The following KIF13A variants were observed in gnomAD, a reference collection of about 807,000 sequenced individuals.
The protein encoded by KIF13A is kinesin family member 13A, also known as kinesin-like protein KIF13A.
Under a neutral mutation model 212.2 loss-of-function variants are expected in KIF13A, and 79 were observed. That is an observed-to-expected ratio of 0.37 (90% confidence interval 0.31 to 0.45). The LOEUF (loss-of-function observed/expected upper bound fraction) is 0.45. Among genes scored for constraint, KIF13A ranks in the 20% least tolerant of loss-of-function variants. The pLI, the probability that KIF13A is intolerant of heterozygous loss-of-function variation, is 1.00. For missense variants in KIF13A, 1,901 were observed against 2,209.0 expected (o/e 0.86, Z 2.79); for synonymous variants, 789 against 808.6 (o/e 0.98, Z 0.41).
intron 3 of KIF13A, among the ~76,000 whole-genome samples, chr6:17,877,237 T>C (rs1201121977): frequency 3.9e-5 from 6 of 152,074 alleles, no homozygotes; most frequent in African/African-American, 1.4e-4. Context: ...GATTTAGGTA[T>C]ATATGATGTA....
intron 4 of KIF13A, among the ~76,000 whole-genome samples, chr6:17,864,470 T>G (rs189119388): frequency 4.8e-4 from 73 of 152,260 alleles, no homozygotes; most frequent in African/African-American, 1.7e-3. Context: ...CACCCAACCC[T>G]GAGTCACATA....
chr6:17,773,862 T>C lies in KIF13A; in HGVS notation c.4219-279A>G, dbSNP rs1452415788. On this transcript the variant is annotated intron_variant, in intron 35 of 38. Transcript: ENST00000259711. This position sits in a 1 kb window ranked among gnomAD's most constrained non-coding sequence, Gnocchi z 4.2. ...GTGTGATCTTTTGGTCCCATTCATC[T>C]TCCTTCCTCCCCAGAGGTAGCTACT... Among the ~76,000 whole-genome samples, 3 of 152,216 alleles carry C rather than the reference T, an allele frequency of 2.0e-5. No homozygotes were observed. Among genetic ancestry groups the C allele is most frequent in the Non-Finnish European group, 2.9e-5 (2 of 68,034 alleles).
Position 17,947,245 on chromosome 6 carries a change from T to C in KIF13A, c.146+39809A>G, listed in dbSNP as rs1042870863. ...ATAAGTGATATAAGAGACAAAAAAG[T>C]ACAAGTTGGGTGGTGATACAAGGTA... On this transcript the variant is annotated intron_variant, in intron 2 of 38. Coordinates refer to ENST00000259711, the MANE Select transcript of KIF13A (RefSeq NM_022113.6). The surrounding 1 kb of genome is among the most constrained non-coding windows in gnomAD (Gnocchi z 4.6). Among the ~76,000 whole-genome samples, 24 of 152,078 alleles carry C rather than the reference T, an allele frequency of 1.6e-4. No homozygotes were observed. Among genetic ancestry groups the C allele is most frequent in the African/African-American group, 5.3e-4 (22 of 41,424 alleles).
Position 17,767,544 on chromosome 6 carries a change from C to G in KIF13A, c.4582-2598G>C, listed in dbSNP as rs189195049. On this transcript the variant is annotated intron_variant, in intron 38 of 38. Transcript: ENST00000259711. ...TGCTGGGATTACAGGTGTGAGCCAC[C>G]ATGCCCGGCACAAAATTAAATTTCA... 6.2e-3 allele frequency among the ~76,000 whole-genome samples: 942 copies of G among 152,332 alleles called. 14 individuals carry two copies. The highest frequency in any genetic ancestry group is 0.021 in the African/African-American group (860 of 41,564).
Position 17,971,261 on chromosome 6 carries a change from G to A in KIF13A, c.146+15793C>T, listed in dbSNP as rs1483027695. ...AGTTCAGAGTTCACATAGCTATGGT[G>A]GTATTTCCATCAATTTCCAGGAAAA... On this transcript the variant is annotated intron_variant, in intron 2 of 38. Coordinates refer to ENST00000259711, the MANE Select transcript of KIF13A (RefSeq NM_022113.6). The surrounding 1 kb of genome is among the most constrained non-coding windows in gnomAD (Gnocchi z 4.2). Among the ~76,000 whole-genome samples, 1 of 151,930 alleles carries A rather than the reference G, an allele frequency of 6.6e-6. No individual in the cohort carries two copies. Among genetic ancestry groups the A allele is most frequent in the South Asian group, 2.1e-4 (1 of 4,814 alleles).
chr6:17,959,390 G>C (rs1368452947), intron 2 of KIF13A, among the ~76,000 whole-genome samples: 2 of 152,116 alleles, frequency 1.3e-5, no homozygotes, highest in Non-Finnish European at 2.9e-5. Context: ...TTTGGGAGAT[G>C]CAATGCAAAA....
intron 18 of KIF13A, among the ~76,000 whole-genome samples, chr6:17,805,922 A>ATT (rs58290591): frequency 0.62 from 86,373 of 139,280 alleles, 27,476 homozygotes; most frequent in East Asian, 0.78. Context: ...CATAAGCACG[A>ATT]TTTTTTTTTT....
At chr6:17,832,536 G>A (rs1765539285) in intron 12 of KIF13A, among the ~76,000 whole-genome samples, 2 of 152,120 alleles carry the variant, frequency 1.3e-5, no homozygotes, top group South Asian at 2.1e-4. Flanking sequence ...TATTTGGGAG[G>A]CTGAGGCAGG....
intron 2 of KIF13A, among the ~76,000 whole-genome samples, chr6:17,983,326 G>A (rs1781253957): frequency 6.6e-6 from 1 of 152,092 alleles, no homozygotes; most frequent in Non-Finnish European, 1.5e-5. Flanking sequence ...TCCGAGAGGT[G>A]AAGAGATGGG....
chr6:17,792,305 T>G (rs1399009121), intron 25 of KIF13A, among the ~76,000 whole-genome samples: 1 of 152,036 alleles, frequency 6.6e-6, no homozygotes, highest in Non-Finnish European at 1.5e-5. Flanking sequence ...AGGTCACAGT[T>G]TGGAGCACAC....
rs1344545832 is a variant in KIF13A at position 17,787,718 on chromosome 6, C to T, written c.3361+58G>A. The T allele has an allele frequency of 3.1e-6, 3 of 961,140 alleles. No homozygotes were observed. Among genetic ancestry groups the T allele is most frequent in the African/African-American group, 1.6e-5 (1 of 61,922 alleles). 59.5% of individuals were successfully genotyped at this position (961,140 alleles called of 1,614,324 possible). A position where few individuals can be genotyped will look rare whatever the true frequency, so the allele number is the denominator to read the frequency against. ...CCAGTTAGGGGAAGAAAACGACCTA[C>T]TGCCATTGTGTAAAAGTGAAAAAGC... On this transcript the variant is annotated intron_variant, in intron 27 of 38. Transcript: ENST00000259711. The surrounding 1 kb of genome is among the most constrained non-coding windows in gnomAD (Gnocchi z 4.6).
intron 2 of KIF13A, among the ~76,000 whole-genome samples, chr6:17,903,990 T>TA (rs981722323): frequency 6.7e-6 from 1 of 149,528 alleles, no homozygotes; most frequent in Non-Finnish European, 1.5e-5. Flanking sequence ...CCATCTTTAC[T>TA]AAAAATAAAA....
chr6:17,911,601 A>G (rs535644785), intron 2 of KIF13A, among the ~76,000 whole-genome samples: 25 of 152,162 alleles, frequency 1.6e-4, no homozygotes, highest in Admixed American at 1.4e-3. Flanking sequence ...AAAAATCAAA[A>G]CAATTAAACT....
At position 17,919,566 on chromosome 6, in the gene KIF13A, T is replaced by A. The variant is rs1774861191; in HGVS notation, c.147-21386A>T. On this transcript the variant is annotated intron_variant, in intron 2 of 38. Transcript: ENST00000259711. The surrounding 1 kb of genome is among the most constrained non-coding windows in gnomAD (Gnocchi z 4.1). The stretch of plus-strand genomic sequence containing the variant: ...AGCTGTGAGTATCAAAAATAGATGT[T>A]CTACAGCCCCAAGGGGTCAGCCATG... Among the ~76,000 whole-genome samples the A allele has an allele frequency of 6.6e-6, 1 of 152,164 alleles. No individual in the cohort carries two copies. Among genetic ancestry groups the A allele is most frequent in the Non-Finnish European group, 1.5e-5 (1 of 68,030 alleles).
chr6:17,901,627 A>G (rs1773066502), intron 2 of KIF13A, among the ~76,000 whole-genome samples: 1 of 152,188 alleles, frequency 6.6e-6, no homozygotes, highest in Admixed American at 6.5e-5. Context: ...AGTTCACCCT[A>G]CAAAAGCTTT....
rs1227411660 is a variant in KIF13A at position 17,777,865 on chromosome 6, G to A, written c.4093-511C>T. On this transcript the variant is annotated intron_variant, in intron 33 of 38. Transcript: ENST00000259711. This position sits in a 1 kb window ranked among gnomAD's most constrained non-coding sequence, Gnocchi z 4.4. The stretch of plus-strand genomic sequence containing the variant: ...TTTTTTAAGATAAATAAAACTGCAG[G>A]GTGTGGTGGTTCATGTCTATAATCC... Among the ~76,000 whole-genome samples, 1 of 152,048 alleles carries A rather than the reference G, an allele frequency of 6.6e-6. No homozygotes were observed. Among genetic ancestry groups the A allele is most frequent in the Non-Finnish European group, 1.5e-5 (1 of 68,034 alleles).
chr6:17,902,798 ATATCTT>A (rs1242769950), intron 2 of KIF13A, among the ~76,000 whole-genome samples: 3 of 152,200 alleles, frequency 2.0e-5, no homozygotes, highest in Non-Finnish European at 4.4e-5. Context: ...TGAGTCTCAT[ATATCTT>A]TAAGATGTAA....
Position 17,898,200 on chromosome 6 carries a change from A to T in KIF13A, c.147-20T>A. On this transcript the variant is annotated intron_variant, in intron 2 of 38. Transcript: ENST00000259711. The surrounding 1 kb of genome is among the most constrained non-coding windows in gnomAD (Gnocchi z 5.2). ...GGTTTCCTTAATGATGGGAAAAAAAAAATTCAGCAGCAGGGATACAGAGGG... is the reference window on the plus strand; with the variant it reads ...GGTTTCCTTAATGATGGGAAAAAAATAATTCAGCAGCAGGGATACAGAGGG... 1.2e-6 allele frequency: 2 copies of T among 1,612,842 alleles called. No homozygotes were observed. Among genetic ancestry groups the T allele is most frequent in the Non-Finnish European group, 8.5e-7 (1 of 1,179,242 alleles).
intron 18 of KIF13A, among the ~76,000 whole-genome samples, chr6:17,806,927 G>A (rs1468262751): frequency 1.3e-5 from 2 of 152,190 alleles, no homozygotes; most frequent in Non-Finnish European, 1.5e-5. Flanking sequence ...CGGAGGGACC[G>A]GCTGGAACCG....
Sources: allele counts gnomAD v4.1 joint callset (sites outside exome capture counted in the v4.1 genomes callset), GRCh38; gene constraint gnomAD v4.1.1; non-coding constraint Gnocchi (gnomAD v3.1); transcripts MANE v1.5; gene names NCBI Gene and HGNC (gene_info 2026-07-23, HGNC 2026-07-21).